KHSRP: variants seen among roughly 807,000 people sequenced by gnomAD.
The protein encoded by KHSRP is KH-type splicing regulatory protein.
KHSRP carries 13 observed loss-of-function variants against 94.9 expected under a neutral mutation model. The ratio of observed to expected loss-of-function variants is 0.14; its 90% CI spans 0.09 to 0.22. KHSRP has a LOEUF of 0.22. Ranked by LOEUF, KHSRP falls within the 10% of genes least tolerant of loss-of-function variation. The pLI, the probability that KHSRP is intolerant of heterozygous loss-of-function variation, is 1.00. For missense variants in KHSRP, 710 were observed against 1,010.0 expected (o/e 0.70, Z 4.03); for synonymous variants, 495 against 401.4 (o/e 1.23, Z -2.79).
chr19:6,421,699 G>T lies in KHSRP; in HGVS notation c.347-11C>A, dbSNP rs755652167. 6.2e-7 allele frequency: 1 copy of T among 1,613,838 alleles called. No individual in the cohort carries two copies. The highest frequency in any genetic ancestry group is 8.5e-7 in the Non-Finnish European group (1 of 1,179,856). On this transcript the variant is annotated splice_polypyrimidine_tract_variant and intron_variant, in intron 2 of 18. Coordinates refer to ENST00000600480, the MANE Select transcript of KHSRP (RefSeq NM_001366299.1). ...TGCTCTCCGGTTGATCTGGGAAAGA[G>T]AGAGGATGGCAGATGCAGCACCCAC...
Position 6,416,873 on chromosome 19 carries a change from G to C in KHSRP, c.1192C>G (p.Pro398Ala), listed in dbSNP as rs769316462. The C allele has an allele frequency of 1.2e-6, 2 of 1,610,368 alleles. No homozygotes were observed. The highest frequency in any genetic ancestry group is 1.7e-6 in the Non-Finnish European group (2 of 1,178,526). ...ATGCCTGGACCCCCTGGAGGACCTG[G>C]GGGACCACTCTGCAAGACAAGAGGA... Reference protein sequence around the residue: ...DLLQSLRSGPPGPPGGPGMPP... With the variant: ...DLLQSLRSGPAGPPGGPGMPP... The change falls in exon 13 of 19, where the codon CCA (proline) becomes GCA (alanine). Residue 398 changes from proline (P) to alanine (A), a missense_variant. Physicochemically the swap from Pro to Ala is conservative, Grantham distance 27 (BLOSUM62 -1). Coordinates refer to ENST00000600480, the MANE Select transcript of KHSRP (RefSeq NM_001366299.1).
intron 11 of KHSRP, 42 bp from the exon 12 acceptor site, chr19:6,417,129 A>G: frequency 6.6e-7 from 1 of 1,515,872 alleles, no homozygotes; most frequent in Non-Finnish European, 8.9e-7. Context: ...AGTTTAAAAG[A>G]AGAGCCCACC....
Position 6,414,969 on chromosome 19 carries a change from G to C in KHSRP, c.*55C>G. ...CTCTGGACCCAGCGAATGCTTCCCT[G>C]GCGGTGCGTGGGGACTCCCGGAGAC... On this transcript the variant is annotated 3_prime_UTR_variant, in exon 19 of 19. Transcript: ENST00000600480. 7.0e-7 allele frequency: 1 copy of C among 1,435,762 alleles called. No homozygotes were observed. The highest frequency in any genetic ancestry group is 2.9e-5 in the Admixed American group (1 of 34,838). The allele number at this position is 1,435,762 out of a possible 1,614,324, so 88.9% of individuals were successfully genotyped here. A position where few individuals can be genotyped will look rare whatever the true frequency, so the allele number is the denominator to read the frequency against.
At chr19:6,424,412 C>G in intron 1 of KHSRP, 41 bp downstream of exon 1, 2 of 960,124 alleles carry the variant, frequency 2.1e-6, no homozygotes, top group Non-Finnish European at 2.5e-6. Flanking sequence ...CCCGCCTGCG[C>G]GCGCGCGCGA....
chr19:6,424,365 C>T (rs933067467), intron 1 of KHSRP, 88 bp downstream of exon 1: 1 of 644,144 alleles, frequency 1.6e-6, no homozygotes, highest in Non-Finnish European at 1.9e-6. Context: ...CCTCCGCGAC[C>T]CTGCGCGCGC....
At chr19:6,417,246 C>T (rs1179689442) in intron 11 of KHSRP, among the ~76,000 whole-genome samples, 159 bp from the exon 12 acceptor site, 4 of 152,240 alleles carry the variant, frequency 2.6e-5, no homozygotes, top group Admixed American at 6.5e-5. Flanking sequence ...GAGGGGGAGG[C>T]GGCCCACATT....
At chr19:6,415,786 C>T (rs755939315) in intron 16 of KHSRP, 22 bp downstream of exon 16, 34 of 1,557,406 alleles carry the variant, frequency 2.2e-5, no homozygotes, top group East Asian at 1.7e-4. Flanking sequence ...GCCTGCCCTC[C>T]GCCAGGTGGC....
intron 13 of KHSRP, 21 bp downstream of exon 13, chr19:6,416,717 G>A (rs769263305): frequency 6.2e-7 from 1 of 1,606,276 alleles, no homozygotes; most frequent in Admixed American, 1.7e-5. Context: ...CAAGGGATAG[G>A]GTGCAGGGGG....
At position 6,418,759 on chromosome 19, in the gene KHSRP, G is replaced by C; in HGVS notation, c.723C>G (p.Pro241=). The change falls in exon 8 of 19, where the codon CCC becomes CCG. Residue 241 remains proline (P), a synonymous_variant. Transcript: ENST00000600480. This position sits in a 1 kb window ranked among gnomAD's most constrained non-coding sequence, Gnocchi z 4.3. ...CAATGACCAGGCCGGCCTTGCCCGC[G>C]GGGATCATGATCTCCTGCACGGTGC... ...QNGTVQEIMI[P]AGKAGLVIGK... is the part of the protein sequence containing the mutation. 1 of 1,612,974 alleles carries C rather than the reference G, an allele frequency of 6.2e-7. No homozygotes were observed. Among genetic ancestry groups the C allele is most frequent in the Non-Finnish European group, 8.5e-7 (1 of 1,179,588 alleles).
At position 6,424,710 on chromosome 19, in the gene KHSRP, G is replaced by A. The variant is rs1211512777; in HGVS notation, c.-9C>T. 45 of 1,035,138 alleles carry A rather than the reference G, an allele frequency of 4.3e-5. No homozygotes were observed. Among genetic ancestry groups the A allele is most frequent in the Non-Finnish European group, 5.0e-5 (43 of 861,466 alleles). The allele number at this position is 1,035,138 out of a possible 1,614,324, so 64.1% of individuals were successfully genotyped here. On this transcript the variant is annotated 5_prime_UTR_variant, in exon 1 of 19. Coordinates refer to ENST00000600480, the MANE Select transcript of KHSRP (RefSeq NM_001366299.1). ...GTGCTGTAGTCCGACATGGCGCGGC[G>A]GGGCCGGGCCTGGCGCGGAGGCTGA...
rs1282852841 is a variant in KHSRP, at chr19:6,420,159, A to G, written c.476-15T>C. 12 of 1,608,214 alleles carry G rather than the reference A, an allele frequency of 7.5e-6. No homozygotes were observed. The highest frequency in any genetic ancestry group is 4.5e-5 in the East Asian group (2 of 44,816). ...TCTGCCAATGACTGGATGGAGAAAG[A>G]AGGAGAAAAGCAAAGCGTGATGAGG... On this transcript the variant is annotated splice_polypyrimidine_tract_variant and intron_variant, in intron 5 of 18. Transcript: ENST00000600480.
At chr19:6,422,847 C>T (rs947781403) in intron 1 of KHSRP, among the ~76,000 whole-genome samples, 2 of 151,998 alleles carry the variant, frequency 1.3e-5, no homozygotes, top group Non-Finnish European at 2.9e-5. Flanking sequence ...TTTTTTTAGC[C>T]CCGTTTTCCT....
At chr19:6,420,808 AAAAC>A (rs747135971) in intron 4 of KHSRP, among the ~76,000 whole-genome samples, 14 of 152,334 alleles carry the variant, frequency 9.2e-5, no homozygotes, top group South Asian at 4.1e-4. Flanking sequence ...TGGCCCATTA[AAAAC>A]AAACAAACAA....
At position 6,414,582 on chromosome 19, in the gene KHSRP, C is replaced by T. The variant is rs1468007526; in HGVS notation, c.*442G>A. 8 of 1,015,080 alleles carry T rather than the reference C, an allele frequency of 7.9e-6. No homozygotes were observed. Among genetic ancestry groups the T allele is most frequent in the African/African-American group, 3.4e-5 (2 of 58,108 alleles). 62.9% of individuals were successfully genotyped at this position (1,015,080 alleles called of 1,614,324 possible). A position where few individuals can be genotyped will look rare whatever the true frequency, so the allele number is the denominator to read the frequency against. ...CGAGCGCATGGGAGGCTGAGCCCGG[C>T]GGGGCAGGGGCCTGGGCCGCTCCCC... On this transcript the variant is annotated 3_prime_UTR_variant, in exon 19 of 19. Coordinates refer to ENST00000600480, the MANE Select transcript of KHSRP (RefSeq NM_001366299.1).
In KHSRP at chr19:6,414,638, C is replaced by A; in HGVS notation, c.*386G>T. ...CCCACCAGTCCCTGCCAGAGCCAGG[C>A]CGCCTGCAACACAGTCACTTGGACA... On this transcript the variant is annotated 3_prime_UTR_variant, in exon 19 of 19. Coordinates refer to ENST00000600480, the MANE Select transcript of KHSRP (RefSeq NM_001366299.1). The A allele has an allele frequency of 9.9e-7, 1 of 1,007,356 alleles. No individual in the cohort carries two copies. Among genetic ancestry groups the A allele is most frequent in the Non-Finnish European group, 1.2e-6 (1 of 845,290 alleles). The allele number at this position is 1,007,356 out of a possible 1,614,324, so 62.4% of individuals were successfully genotyped here. A position where few individuals can be genotyped will look rare whatever the true frequency, so the allele number is the denominator to read the frequency against.
chr19:6,423,116 T>C (rs901187178), intron 1 of KHSRP, among the ~76,000 whole-genome samples: 36 of 152,168 alleles, frequency 2.4e-4, no homozygotes, highest in African/African-American at 8.7e-4. Flanking sequence ...CCATCTCTAC[T>C]AAAAATACAA....
Position 6,414,026 on chromosome 19 carries a change from C to T in KHSRP, c.*998G>A, listed in dbSNP as rs542558687. The stretch of plus-strand genomic sequence containing the variant: ...CTCCCCACGGCAGCCATCGCTCTCT[C>T]GCCAAACAAAACAGAAGCCCCCAAA... On this transcript the variant is annotated 3_prime_UTR_variant, in exon 19 of 19. Transcript: ENST00000600480. The T allele has an allele frequency of 2.6e-5, 40 of 1,519,196 alleles. No homozygotes were observed. The highest frequency in any genetic ancestry group is 1.0e-4 in the South Asian group (8 of 80,202). 94.1% of individuals were successfully genotyped at this position (1,519,196 alleles called of 1,614,324 possible).
In KHSRP at chr19:6,415,797, C is replaced by T. The variant is rs2092140785; in HGVS notation, c.1687+11G>A. 1 of 1,563,318 alleles carries T rather than the reference C, an allele frequency of 6.4e-7. No individual in the cohort carries two copies. Among genetic ancestry groups the T allele is most frequent in the Non-Finnish European group, 8.7e-7 (1 of 1,154,592 alleles). ...CAGGGCCTGCCCTCCGCCAGGTGGC[C>T]CATCACTTACTTGGGTCATGAGGAG... is the stretch of plus-strand genomic sequence containing the variant. On this transcript the variant is annotated intron_variant, in intron 16 of 18. Coordinates refer to ENST00000600480, the MANE Select transcript of KHSRP (RefSeq NM_001366299.1).
chr19:6,417,018 C>T lies in KHSRP; in HGVS notation c.1151G>A (p.Arg384Gln), dbSNP rs574949858. 6 of 1,613,750 alleles carry T rather than the reference C, an allele frequency of 3.7e-6. No individual in the cohort carries two copies. The highest frequency in any genetic ancestry group is 2.2e-5 in the East Asian group (1 of 44,872). ...GPPDRCEHAA[R>Q]IINDLLQSLR... is the part of the protein sequence containing the mutation. The stretch of plus-strand genomic sequence containing the variant: ...GCTCTGGAGGAGGTCGTTGATGATC[C>T]GGGCTGCGTGCTCGCACCTGTCTGG... The change falls in exon 12 of 19, where the codon CGG becomes CAG. Residue 384 changes from arginine (R) to glutamine (Q), a missense_variant. Coordinates refer to ENST00000600480, the MANE Select transcript of KHSRP (RefSeq NM_001366299.1).
Sources: allele counts gnomAD v4.1 joint callset (sites outside exome capture counted in the v4.1 genomes callset), GRCh38; gene constraint gnomAD v4.1.1; non-coding constraint Gnocchi (gnomAD v3.1); transcripts MANE v1.5; gene names NCBI Gene and HGNC (gene_info 2026-07-23, HGNC 2026-07-21).